The following ADAMTS19 variants were observed in gnomAD, a reference collection of about 807,000 sequenced individuals.
ADAMTS19 encodes A disintegrin and metalloproteinase with thrombospondin motifs 19.
ADAMTS19 carries 93 observed loss-of-function variants against 153.3 expected under a neutral mutation model. That is an observed-to-expected ratio of 0.61 (90% CI 0.51 to 0.72). The LOEUF (loss-of-function observed/expected upper bound fraction) is 0.72, where lower values mean the gene tolerates loss of function less well. Ranked by LOEUF, ADAMTS19 falls within the 30% of genes least tolerant of loss-of-function variation. ADAMTS19 has a pLI of 0.00. For missense variants in ADAMTS19, 1,482 were observed against 1,552.1 expected, an observed-to-expected ratio of 0.95 and a Z score of 0.76; for synonymous variants, 600 against 556.6, an observed-to-expected ratio of 1.08 and a Z score of -1.10.
rs565395532 is a variant in ADAMTS19 at position 129,649,107 on chromosome 5, TATA to T, written c.2176+142_2176+144del. 3.2e-3 allele frequency: 2,551 copies of T among 800,364 alleles called. 4 individuals are homozygous for T. Among genetic ancestry groups the T allele is most frequent in the Non-Finnish European group, 4.2e-3 (2,161 of 513,758 alleles). 49.6% of individuals were successfully genotyped at this position (800,364 alleles called of 1,614,324 possible). ...TTAATTTTTTCTACCTGTATGGACA[TATA>T]ATAACCACAAGCACTGACAAAAATA... On this transcript the variant is annotated intron_variant, in intron 13 of 22. Transcript: ENST00000274487.
intron 3 of ADAMTS19, among the ~76,000 whole-genome samples, chr5:129,512,245 G>A (rs192407120): frequency 1.3e-5 from 2 of 152,094 alleles, no homozygotes; most frequent in East Asian, 1.9e-4. Flanking sequence ...TCCATTCTTC[G>A]AGCTGACTTA....
chr5:129,716,573 C>CTTTT (rs35089778), intron 21 of ADAMTS19, among the ~76,000 whole-genome samples: 4 of 137,338 alleles, frequency 2.9e-5, no homozygotes, highest in Non-Finnish European at 3.2e-5. Context: ...CTTCCAGTTT[C>CTTTT]TTTTTTTTTT....
intron 2 of ADAMTS19, among the ~76,000 whole-genome samples, chr5:129,491,960 G>T (rs1312175140): frequency 2.0e-5 from 3 of 152,162 alleles, no homozygotes; most frequent in Admixed American, 6.5e-5. Flanking sequence ...TGATAATAAT[G>T]ATTACTTTTG....
chr5:129,630,684 A>T (rs1039555605), intron 10 of ADAMTS19, among the ~76,000 whole-genome samples: 2 of 152,072 alleles, frequency 1.3e-5, no homozygotes, highest in African/African-American at 4.8e-5. Flanking sequence ...TTAATAGGAC[A>T]CCAGGAGCAT....
At chr5:129,471,074 G>C (rs186662921) in intron 2 of ADAMTS19, among the ~76,000 whole-genome samples, 19 of 141,430 alleles carry the variant, frequency 1.3e-4, no homozygotes, top group African/African-American at 4.8e-4. Context: ...AAAATCAGGC[G>C]GTGGGATGTA....
intron 8 of ADAMTS19, among the ~76,000 whole-genome samples, chr5:129,607,989 C>G (rs1750989632): frequency 7.0e-6 from 1 of 142,478 alleles, no homozygotes; most frequent in South Asian, 2.2e-4. Flanking sequence ...ATTATATAAA[C>G]AATTCTATAT....
intron 10 of ADAMTS19, among the ~76,000 whole-genome samples, chr5:129,623,134 G>C (rs933890318): frequency 6.6e-6 from 1 of 152,078 alleles, no homozygotes; most frequent in Non-Finnish European, 1.5e-5. Flanking sequence ...AATTAAGAGA[G>C]TACATTTCTA....
chr5:129,716,515 A>G (rs987539235), intron 21 of ADAMTS19, among the ~76,000 whole-genome samples: 8 of 151,572 alleles, frequency 5.3e-5, no homozygotes, highest in Admixed American at 2.6e-4. Context: ...TAAAATATAC[A>G]TATTTAACCC....
chr5:129,714,190 C>A (rs939495180), intron 21 of ADAMTS19, among the ~76,000 whole-genome samples: 1 of 151,712 alleles, frequency 6.6e-6, no homozygotes, highest in Non-Finnish European at 1.5e-5. Context: ...GAGGCCGAGG[C>A]GGGTGGATCA....
intron 10 of ADAMTS19, among the ~76,000 whole-genome samples, chr5:129,623,847 G>A (rs768264511): frequency 2.0e-5 from 3 of 147,042 alleles, no homozygotes; most frequent in Admixed American, 1.4e-4. Flanking sequence ...TGGACCAGGC[G>A]AGGTGGCTCA....
At chr5:129,527,639 A>AAAG (rs1752061779) in intron 4 of ADAMTS19, 109 bp from the exon 5 acceptor site, 1 of 342,872 alleles carries the variant, frequency 2.9e-6, no homozygotes, top group African/African-American at 2.2e-5. Context: ...TTTTTAAAAA[A>AAAG]AAAAAAAGAT....
intron 8 of ADAMTS19, among the ~76,000 whole-genome samples, chr5:129,613,327 C>G (rs966825095): frequency 1.3e-5 from 2 of 152,062 alleles, no homozygotes; most frequent in South Asian, 2.1e-4. Context: ...GAAATTATAA[C>G]AAACTGTCTC....
rs115777488 is a variant in ADAMTS19 at position 129,617,095 on chromosome 5, G to C, written c.1479-3523G>C. Among the ~76,000 whole-genome samples, 645 of 152,134 alleles carry C rather than the reference G, an allele frequency of 4.2e-3. 8 individuals carry two copies. Among genetic ancestry groups the C allele is most frequent in the African/African-American group, 0.014 (598 of 41,522 alleles). On this transcript the variant is annotated intron_variant, in intron 8 of 22. Coordinates refer to ENST00000274487, the MANE Select transcript of ADAMTS19 (RefSeq NM_133638.6). ...GATATCATTGTCAGTGGTTAATAGAGTAGCTGGCACAGATTAAGGAACACA... is the reference window on the plus strand; with the variant it reads ...GATATCATTGTCAGTGGTTAATAGACTAGCTGGCACAGATTAAGGAACACA...
intron 8 of ADAMTS19, among the ~76,000 whole-genome samples, chr5:129,615,684 G>T (rs989354846): frequency 2.0e-5 from 3 of 151,986 alleles, no homozygotes; most frequent in Non-Finnish European, 4.4e-5. Context: ...AAGAGTTAAA[G>T]AGCAGGAGGA....
In ADAMTS19 at chr5:129,684,233, A is replaced by C. The variant is rs1258925857; in HGVS notation, c.2778A>C (p.Thr926=). ...CACCTGAGCCCCTCTTCATGTGGAC[A>C]CACACAAGCTGGGAAGATTGCGATG... is the stretch of plus-strand genomic sequence containing the variant. The part of the protein sequence containing the change: ...SKAPEPLFMW[T]HTSWEDCDAT... Residue 926 remains threonine (T), a synonymous_variant, in exon 18 of 23, where the codon ACA becomes ACC. Coordinates refer to ENST00000274487, the MANE Select transcript of ADAMTS19 (RefSeq NM_133638.6). 4 of 1,614,210 alleles carry C rather than the reference A, an allele frequency of 2.5e-6. No homozygotes were observed. Among genetic ancestry groups the C allele is most frequent in the Admixed American group, 1.7e-5 (1 of 60,024 alleles).
intron 7 of ADAMTS19, among the ~76,000 whole-genome samples, chr5:129,555,855 T>C (rs914183523): frequency 6.6e-6 from 1 of 152,164 alleles, no homozygotes; most frequent in African/African-American, 2.4e-5. Context: ...TGTCTTCAGA[T>C]GAAGATATAG....
intron 7 of ADAMTS19, among the ~76,000 whole-genome samples, chr5:129,583,712 T>A (rs1328022495): frequency 1.3e-5 from 2 of 151,836 alleles, no homozygotes; most frequent in African/African-American, 2.4e-5. Context: ...CAGCTATTGA[T>A]ACTTGTGTAT....
At chr5:129,582,303 G>A (rs1373511075) in intron 7 of ADAMTS19, among the ~76,000 whole-genome samples, 2 of 151,000 alleles carry the variant, frequency 1.3e-5, no homozygotes, top group Non-Finnish European at 3.0e-5. Flanking sequence ...TATATATTTA[G>A]GATAGTTAGC....
At chr5:129,599,330 T>C (rs1750530316) in intron 8 of ADAMTS19, among the ~76,000 whole-genome samples, 1 of 152,096 alleles carries the variant, frequency 6.6e-6, no homozygotes, top group South Asian at 2.1e-4. Context: ...TATTAATAAT[T>C]AATTTTACAA....
Sources: allele counts gnomAD v4.1 joint callset (sites outside exome capture counted in the v4.1 genomes callset), GRCh38; gene constraint gnomAD v4.1.1; transcripts MANE v1.5; gene names NCBI Gene and HGNC (gene_info 2026-07-23, HGNC 2026-07-21).